Variants in LRRC4C observed in about 807,000 individuals in gnomAD.
LRRC4C encodes leucine rich repeat containing 4C, also known as leucine-rich repeat-containing protein 4C.
LRRC4C carries 5 observed loss-of-function variants against 33.6 expected under a neutral mutation model. The observed-to-expected ratio is 0.15, with a 90% CI of 0.08 to 0.31. LRRC4C has a LOEUF of 0.31. Among genes scored for constraint, LRRC4C ranks in the 10% least tolerant of loss-of-function variants. The pLI is 1.00. For missense variants in LRRC4C, 560 were observed against 796.7 expected, an observed-to-expected ratio of 0.70 and a Z score of 3.58; for synonymous variants, 329 against 302.0, an observed-to-expected ratio of 1.09 and a Z score of -0.93.
At chr11:40,964,591 A>G (rs2136913637) in intron 1 of LRRC4C, among the ~76,000 whole-genome samples, 1 of 135,332 alleles carries the variant, frequency 7.4e-6, no homozygotes. Flanking sequence ...TCATTGTTCA[A>G]TTCCCACTTA....
At chr11:41,170,718 C>A (rs1415893141) in intron 1 of LRRC4C, among the ~76,000 whole-genome samples, 1 of 152,136 alleles carries the variant, frequency 6.6e-6, no homozygotes, top group African/African-American at 2.4e-5. Context: ...ATCTAAAACA[C>A]CAAAAGCAAT....
chr11:41,330,204 T>C (rs945421716), intron 1 of LRRC4C, among the ~76,000 whole-genome samples: 4 of 152,206 alleles, frequency 2.6e-5, no homozygotes, highest in Non-Finnish European at 5.9e-5. Context: ...TACTATTTAC[T>C]TCCTTATTGT....
At chr11:41,277,475 T>A (rs769513098) in intron 1 of LRRC4C, among the ~76,000 whole-genome samples, 6 of 152,182 alleles carry the variant, frequency 3.9e-5, no homozygotes, top group Non-Finnish European at 8.8e-5. Flanking sequence ...CCATACTGAT[T>A]GTCAGAAGTA....
In LRRC4C at chr11:40,890,988, A is replaced by G. The variant is rs147891139; in HGVS notation, c.-407+42647T>C. On this transcript the variant is annotated intron_variant, in intron 2 of 6. Coordinates refer to ENST00000528697, the MANE Select transcript of LRRC4C (RefSeq NM_001258419.2). ...TTGGGCATGGTGGCTCACACCTATA[A>G]TATCAGCACTCTAGGAGGCCGAAGC... is the stretch of plus-strand genomic sequence containing the variant. Among the ~76,000 whole-genome samples, 571 of 152,268 alleles carry G rather than the reference A, an allele frequency of 3.7e-3. 3 individuals are homozygous for G. The highest frequency in any genetic ancestry group is 6.3e-3 in the Non-Finnish European group (426 of 68,014).
intron 1 of LRRC4C, among the ~76,000 whole-genome samples, chr11:41,371,507 G>GGTAAACT (rs1952745767): frequency 1.3e-5 from 2 of 152,066 alleles, no homozygotes; most frequent in African/African-American, 4.8e-5. Flanking sequence ...TCTCAGTTGT[G>GGTAAACT]GGACATTTAT....
chr11:40,193,539 G>T (rs548496398), intron 5 of LRRC4C, among the ~76,000 whole-genome samples: 90 of 152,228 alleles, frequency 5.9e-4, no homozygotes, highest in South Asian at 2.1e-3. Flanking sequence ...AAACCAGAAT[G>T]CCTCTTCTCC....
chr11:40,856,439 T>G (rs1295105881), intron 2 of LRRC4C, among the ~76,000 whole-genome samples: 1 of 152,234 alleles, frequency 6.6e-6, no homozygotes, highest in Non-Finnish European at 1.5e-5. Context: ...ATTGCTCATT[T>G]TTCCTATGTT....
At chr11:41,146,533 T>A (rs10837585) in intron 1 of LRRC4C, among the ~76,000 whole-genome samples, 21,249 of 152,212 alleles carry the variant, frequency 0.14, 1,580 homozygotes, top group Middle Eastern at 0.16. Flanking sequence ...AAAGCAAAAG[T>A]AGGATGCAGT....
chr11:40,673,365 A>G (rs571777433), intron 2 of LRRC4C, among the ~76,000 whole-genome samples: 100 of 152,320 alleles, frequency 6.6e-4, no homozygotes, highest in Non-Finnish European at 1.2e-3. Context: ...TAGCACTGAT[A>G]AGAATATAAT....
intron 5 of LRRC4C, among the ~76,000 whole-genome samples, chr11:40,232,772 C>G (rs1461809573): frequency 1.3e-5 from 2 of 152,142 alleles, no homozygotes; most frequent in Non-Finnish European, 2.9e-5. Context: ...GGTGCCATTT[C>G]TCAGAGACTG....
At chr11:40,683,535 T>C (rs1271162724) in intron 2 of LRRC4C, among the ~76,000 whole-genome samples, 2 of 151,374 alleles carry the variant, frequency 1.3e-5, no homozygotes, top group African/African-American at 4.9e-5. Flanking sequence ...TAATAACTGA[T>C]ATAAAAAAAA....
intron 1 of LRRC4C, among the ~76,000 whole-genome samples, chr11:41,317,982 A>T (rs1217529354): frequency 6.6e-6 from 1 of 152,202 alleles, no homozygotes; most frequent in East Asian, 1.9e-4. Context: ...TATATGCCTA[A>T]TAATAAGGAA....
intron 1 of LRRC4C, among the ~76,000 whole-genome samples, chr11:41,303,552 T>TGACA: frequency 1.1e-5 from 1 of 87,372 alleles, no homozygotes; most frequent in East Asian, 3.3e-4. Context: ...CCGCCCATCG[T>TGACA]CTGGGATGTG....
At chr11:40,824,558 C>T (rs1952076807) in intron 2 of LRRC4C, among the ~76,000 whole-genome samples, 1 of 151,828 alleles carries the variant, frequency 6.6e-6, no homozygotes, top group African/African-American at 2.4e-5. Context: ...ATATGTACCC[C>T]AACCGAGCTC....
At chr11:40,878,177 G>A (rs892569424) in intron 2 of LRRC4C, among the ~76,000 whole-genome samples, 6 of 152,012 alleles carry the variant, frequency 3.9e-5, no homozygotes, top group Admixed American at 3.9e-4. Context: ...ACCGCGTGTA[G>A]ACTAAAATAA....
intron 3 of LRRC4C, among the ~76,000 whole-genome samples, chr11:40,478,202 CT>C (rs1953346145): frequency 6.6e-6 from 1 of 152,172 alleles, no homozygotes; most frequent in Non-Finnish European, 1.5e-5. Context: ...GAAAAAGTCA[CT>C]GGTTCTCTTA....
chr11:40,670,101 C>T (rs1944015041), intron 2 of LRRC4C, among the ~76,000 whole-genome samples: 1 of 152,164 alleles, frequency 6.6e-6, no homozygotes, highest in Non-Finnish European at 1.5e-5. Flanking sequence ...AGCAACTTTT[C>T]TCCCAGAAAA....
intron 1 of LRRC4C, among the ~76,000 whole-genome samples, chr11:41,304,857 G>T (rs867585982): frequency 0.022 from 2,041 of 91,164 alleles, 580 homozygotes; most frequent in Non-Finnish European, 0.035. Flanking sequence ...GCCCCATCCG[G>T]GAGGGAGGTG....
At chr11:40,470,316 C>T (rs1590839177) in intron 3 of LRRC4C, among the ~76,000 whole-genome samples, 1 of 152,166 alleles carries the variant, frequency 6.6e-6, no homozygotes, top group East Asian at 1.9e-4. Context: ...GGAAAGCTAA[C>T]AAACAGAAAG....
Sources: gnomAD v4.1 joint callset for allele counts (sites outside exome capture counted in the v4.1 genomes callset) on GRCh38, gnomAD v4.1.1 for gene constraint, MANE v1.5 for transcripts, NCBI Gene and HGNC (gene_info 2026-07-23, HGNC 2026-07-21) for gene names.